Variants in QTMAN observed in about 807,000 individuals in gnomAD.
The protein encoded by QTMAN is tRNA-queuosine alpha-mannosyltransferase.
At chr2:143,958,862 G>T in the QTMAN span, among the ~76,000 whole-genome samples, 11 of 135,368 alleles carry the variant, frequency 8.1e-5, no homozygotes, top group Non-Finnish European at 3.1e-5. Context: ...CTTAAATCTT[G>T]CTGACTCACT....
chr2:144,065,275 T>C, the QTMAN span, among the ~76,000 whole-genome samples: 1 of 152,146 alleles, frequency 6.6e-6, no homozygotes, highest in African/African-American at 2.4e-5. Context: ...TGAGGTCTAA[T>C]GAGAAAAACA....
chr2:143,947,937 A>G, the QTMAN span, among the ~76,000 whole-genome samples: 1 of 152,260 alleles, frequency 6.6e-6, no homozygotes, highest in Middle Eastern at 3.4e-3. Context: ...AGAGAGAGAA[A>G]GAGTGAGAGA....
the QTMAN span, among the ~76,000 whole-genome samples, chr2:144,004,273 C>T: frequency 6.6e-6 from 1 of 152,002 alleles, no homozygotes; most frequent in Non-Finnish European, 1.5e-5. Flanking sequence ...AGAAACACAA[C>T]CCTGGTCATT....
At chr2:144,297,595 T>G in the QTMAN span, among the ~76,000 whole-genome samples, 1 of 149,106 alleles carries the variant, frequency 6.7e-6, no homozygotes, top group South Asian at 2.2e-4. Context: ...TTTTTTTTTT[T>G]TTTGAGACAG....
the QTMAN span, among the ~76,000 whole-genome samples, chr2:144,178,072 G>T: frequency 6.6e-6 from 1 of 152,240 alleles, no homozygotes; most frequent in South Asian, 2.1e-4. Context: ...GTTCACCACC[G>T]TTTATCCAGT....
At chr2:144,115,819 C>T in the QTMAN span, among the ~76,000 whole-genome samples, 1 of 152,100 alleles carries the variant, frequency 6.6e-6, no homozygotes, top group African/African-American at 2.4e-5. Flanking sequence ...ACTACATGGT[C>T]AAAGTTGAGC....
the QTMAN span, among the ~76,000 whole-genome samples, chr2:144,095,855 C>T: frequency 6.6e-6 from 1 of 152,046 alleles, no homozygotes; most frequent in East Asian, 1.9e-4. Flanking sequence ...AAGGATTTTG[C>T]CTACTCTGAT....
the QTMAN span, among the ~76,000 whole-genome samples, chr2:144,194,689 T>G: frequency 2.0e-5 from 3 of 152,178 alleles, no homozygotes; most frequent in Non-Finnish European, 4.4e-5. Context: ...AAGGCATTCT[T>G]GGTTAGATGT....
chr2:144,285,263 C>T, the QTMAN span, among the ~76,000 whole-genome samples: 932 of 152,224 alleles, frequency 6.1e-3, 14 homozygotes, highest in African/African-American at 0.021. Context: ...GGTCTAACTT[C>T]TAAGTATCTA....
the QTMAN span, among the ~76,000 whole-genome samples, chr2:144,174,124 G>A: frequency 6.6e-6 from 1 of 152,126 alleles, no homozygotes; most frequent in Non-Finnish European, 1.5e-5. Context: ...TTCTTAGATG[G>A]TTCTTTCTCC....
the QTMAN span, chr2:143,945,646 C>G: frequency 6.6e-6 from 1 of 152,208 alleles, no homozygotes; most frequent in Admixed American, 6.5e-5. Flanking sequence ...CTAGGCCACT[C>G]GATCCTTCCA....
At chr2:143,977,692 C>T in the QTMAN span, among the ~76,000 whole-genome samples, 5 of 152,058 alleles carry the variant, frequency 3.3e-5, no homozygotes, top group South Asian at 2.1e-4. Flanking sequence ...AAATGGAAGA[C>T]GGAGAATTTG....
chr2:144,122,963 C>T, the QTMAN span, among the ~76,000 whole-genome samples: 1 of 152,164 alleles, frequency 6.6e-6, no homozygotes, highest in Non-Finnish European at 1.5e-5. Flanking sequence ...GACACATGGA[C>T]ACACACATAC....
the QTMAN span, among the ~76,000 whole-genome samples, chr2:144,298,228 C>G: frequency 5.9e-5 from 9 of 152,040 alleles, no homozygotes; most frequent in Middle Eastern, 3.4e-3. Context: ...CTGTGTTAGC[C>G]AGGATGGTCT....
the QTMAN span, among the ~76,000 whole-genome samples, chr2:144,309,646 G>A: frequency 1.3e-5 from 2 of 152,206 alleles, no homozygotes; most frequent in South Asian, 4.1e-4. Flanking sequence ...CTTTTGAAGT[G>A]ATGGAGATGT....
chr2:144,231,843 GGTGTGTGTGTGTGTGTGTGT>G, the QTMAN span, among the ~76,000 whole-genome samples: 345 of 138,450 alleles, frequency 2.5e-3, 1 homozygote, highest in African/African-American at 8.0e-3. Context: ...GAATGAAAGA[GGTGTGTGTGTGTGTGTGTGT>G]GTGTGTGTGT....
chr2:143,964,856 C>T, the QTMAN span, among the ~76,000 whole-genome samples: 1 of 152,100 alleles, frequency 6.6e-6, no homozygotes, highest in African/African-American at 2.4e-5. Context: ...TTTTTGGTTT[C>T]CTTGTAACCT....
At chr2:144,119,658 T>C in the QTMAN span, among the ~76,000 whole-genome samples, 1 of 152,214 alleles carries the variant, frequency 6.6e-6, no homozygotes, top group Admixed American at 6.5e-5. Context: ...GCTTAGGATT[T>C]CTACACTTTG....
the QTMAN span, among the ~76,000 whole-genome samples, chr2:144,325,744 C>T: frequency 6.6e-6 from 1 of 152,174 alleles, no homozygotes; most frequent in Non-Finnish European, 1.5e-5. Flanking sequence ...TACACACACT[C>T]CACTACCATT....
Sources: gnomAD v4.1 joint callset for allele counts (sites outside exome capture counted in the v4.1 genomes callset) on GRCh38, gnomAD v4.1.1 for gene constraint, MANE v1.5 for transcripts, NCBI Gene and HGNC (gene_info 2026-07-23, HGNC 2026-07-21) for gene names.